MAP4: variants seen among roughly 807,000 people sequenced by gnomAD.
MAP4 encodes microtubule-associated protein 4.
A neutral mutation model predicts 170.2 loss-of-function variants in MAP4; 76 were observed. The ratio of observed to expected loss-of-function variants is 0.45; its 90% CI spans 0.37 to 0.54. The LOEUF is 0.54. MAP4 is among the 20% of genes least tolerant of loss of function. The pLI, the probability that MAP4 is intolerant of heterozygous loss-of-function variation, is 0.00. For missense variants in MAP4, 2,506 were observed against 2,748.0 expected (o/e 0.91, Z 1.97); for synonymous variants, 909 against 994.5 (o/e 0.91, Z 1.62).
intron 1 of MAP4, among the ~76,000 whole-genome samples, chr3:48,004,969 G>T (rs1397343947): frequency 6.6e-6 from 1 of 152,144 alleles, no homozygotes. Context: ...GAAGGTACCT[G>T]CAACACCCAT....
chr3:48,057,014 C>T (rs1384327095), intron 1 of MAP4, among the ~76,000 whole-genome samples: 4 of 136,892 alleles, frequency 2.9e-5, no homozygotes, highest in South Asian at 2.4e-4. Flanking sequence ...CCCGGCCAGC[C>T]GCCCCGTCCG....
At chr3:47,981,736 G>C (rs972437114) in intron 2 of MAP4, among the ~76,000 whole-genome samples, 1 of 150,926 alleles carries the variant, frequency 6.6e-6, no homozygotes, top group African/African-American at 2.4e-5. Flanking sequence ...CTGCACTCCA[G>C]TCTGGGCGAC....
At chr3:47,937,752 C>T (rs922354050) in intron 3 of MAP4, among the ~76,000 whole-genome samples, 10 of 150,258 alleles carry the variant, frequency 6.7e-5, no homozygotes, top group Non-Finnish European at 1.3e-4. Context: ...ACCTCTGCCT[C>T]CCGGGTTCAA....
intron 3 of MAP4, among the ~76,000 whole-genome samples, chr3:47,971,820 A>C (rs1376053379): frequency 1.3e-5 from 2 of 152,192 alleles, no homozygotes; most frequent in African/African-American, 4.8e-5. Flanking sequence ...CTTTGCCTAG[A>C]ACACCCTCTA....
intron 2 of MAP4, among the ~76,000 whole-genome samples, chr3:47,997,513 T>C (rs1018292508): frequency 6.6e-5 from 10 of 151,464 alleles, no homozygotes; most frequent in Non-Finnish European, 1.2e-4. Flanking sequence ...AGAAAAGAAA[T>C]GTCTCAGATC....
Position 47,911,808 on chromosome 3 carries a change from A to G in MAP4, c.2613T>C (p.Ser871=). 1 of 1,536,140 alleles carries G rather than the reference A, an allele frequency of 6.5e-7. No homozygotes were observed. The highest frequency in any genetic ancestry group is 8.7e-7 in the Non-Finnish European group (1 of 1,146,912). The change falls in exon 9 of 21, where the codon TCT becomes TCC. Residue 871 remains serine (S), a synonymous_variant. Coordinates refer to ENST00000683076, the MANE Select transcript of MAP4 (RefSeq NM_001385682.1). The surrounding 1 kb of genome is among the most constrained non-coding windows in gnomAD (Gnocchi z 4.0). The part of the protein sequence containing the change: ...SEEAPKTAIS[S]QSKLRVEEES... ...CTTCCTCTACTCTCAGCTTAGACTG[A>G]GAACTTATTGCAGTTTTGGGGGCTT...
chr3:48,006,543 C>T (rs1161104045), intron 1 of MAP4, among the ~76,000 whole-genome samples: 1 of 152,214 alleles, frequency 6.6e-6, no homozygotes, highest in Non-Finnish European at 1.5e-5. Flanking sequence ...TACTTAGCAG[C>T]TGGCAAAACC....
At chr3:47,853,084 A>T in intron 20 of MAP4, 79 bp downstream of exon 20, 15 of 1,614,128 alleles carry the variant, frequency 9.3e-6, no homozygotes, top group Non-Finnish European at 1.3e-5. Context: ...GCCACACTCT[A>T]GTCAAAAACA....
In MAP4 at chr3:47,867,307, C is replaced by T. The variant is rs755652215; in HGVS notation, c.6440G>A (p.Ser2147Asn). Residue 2147 changes from serine (S) to asparagine (N), a missense_variant, in exon 17 of 21, where the codon AGC becomes AAC. Ser to Asn is a conservative substitution (Grantham distance 46, BLOSUM62 1). Around this residue, in one of 3 missense-constraint regions of MAP4, gnomAD observed 487 missense variants for 511.6 expected, o/e 0.95. Coordinates refer to ENST00000683076, the MANE Select transcript of MAP4 (RefSeq NM_001385682.1). ...VQIVSKKVSYSHIQSKCGSKD... is the reference protein window; with the variant it reads ...VQIVSKKVSYNHIQSKCGSKD... ...GGAACCACACTTGGACTGAATATGG[C>T]TGTAGCTCACTTTTTTGGAGACTAT... is the stretch of plus-strand genomic sequence containing the variant. The T allele has an allele frequency of 9.9e-6, 16 of 1,613,710 alleles. No homozygotes were observed. The highest frequency in any genetic ancestry group is 1.3e-5 in the Non-Finnish European group (15 of 1,179,700).
In MAP4 at chr3:47,952,007, G is replaced by A. The variant is rs377097638; in HGVS notation, c.293-23657C>T. ...GGGAGCGCCTCTGCCCCGCCACCCCGTCTGGGATGTGAGGAGCGCCTCTGC... is the reference window on the plus strand; with the variant it reads ...GGGAGCGCCTCTGCCCCGCCACCCCATCTGGGATGTGAGGAGCGCCTCTGC... On this transcript the variant is annotated intron_variant, in intron 3 of 20. Coordinates refer to ENST00000683076, the MANE Select transcript of MAP4 (RefSeq NM_001385682.1). 4.2e-5 allele frequency among the ~76,000 whole-genome samples: 6 copies of A among 144,280 alleles called. No homozygotes were observed. In the South Asian group the frequency reaches 6.8e-4, roughly 16 times the overall value. 94.7% of individuals were successfully genotyped at this position (144,280 alleles called of 152,430 possible). A position where few individuals can be genotyped will look rare whatever the true frequency, so the allele number is the denominator to read the frequency against.
chr3:47,927,354 G>A (rs1412315663), intron 4 of MAP4, among the ~76,000 whole-genome samples: 1 of 152,132 alleles, frequency 6.6e-6, no homozygotes, highest in African/African-American at 2.4e-5. Flanking sequence ...AACATAACTT[G>A]AGCTCTCAAT....
chr3:47,921,585 C>T (rs930716332), intron 5 of MAP4, among the ~76,000 whole-genome samples, 180 bp downstream of exon 5: 60 of 152,344 alleles, frequency 3.9e-4, no homozygotes, highest in Middle Eastern at 3.4e-3. Context: ...AAAGCCACCT[C>T]TTGCGGAGTT....
intron 3 of MAP4, among the ~76,000 whole-genome samples, chr3:47,971,917 A>C (rs1328916334): frequency 2.6e-5 from 4 of 152,212 alleles, no homozygotes; most frequent in African/African-American, 7.2e-5. Flanking sequence ...GGACAATAAC[A>C]AAATTCAAGA....
intron 1 of MAP4, among the ~76,000 whole-genome samples, chr3:48,025,849 G>A (rs1387292045): frequency 1.3e-5 from 2 of 150,832 alleles, no homozygotes; most frequent in Non-Finnish European, 2.9e-5. Flanking sequence ...GCAGTGAGCC[G>A]AGATCGTACC....
At chr3:47,990,445 T>C (rs950949422) in intron 2 of MAP4, among the ~76,000 whole-genome samples, 1 of 152,182 alleles carries the variant, frequency 6.6e-6, no homozygotes, top group African/African-American at 2.4e-5. Flanking sequence ...ACCTTGTCTT[T>C]ACTAAAAATG....
At chr3:48,049,689 T>G (rs531931239) in intron 1 of MAP4, among the ~76,000 whole-genome samples, 1 of 151,980 alleles carries the variant, frequency 6.6e-6, no homozygotes, top group Non-Finnish European at 1.5e-5. Context: ...TCCCAGCACT[T>G]TGGGAGGCCA....
chr3:48,045,279 T>C (rs1004564984), intron 1 of MAP4, among the ~76,000 whole-genome samples: 2 of 126,380 alleles, frequency 1.6e-5, no homozygotes, highest in Admixed American at 1.6e-4. Flanking sequence ...AAAAAAAAAA[T>C]TTCATTGAAA....
In MAP4 at chr3:47,925,003, G is replaced by A. The variant is rs61413961; in HGVS notation, c.416-3125C>T. Among the ~76,000 whole-genome samples the A allele has an allele frequency of 4.0e-3, 615 of 152,100 alleles. 6 individuals carry two copies. The highest frequency in any genetic ancestry group is 0.014 in the African/African-American group (596 of 41,484). The stretch of plus-strand genomic sequence containing the variant: ...TTTTTTGTATTTTTAGGAGAGACGG[G>A]GTTTCACCATGTTGGCCAGGATGGT... On this transcript the variant is annotated intron_variant, in intron 4 of 20. Coordinates refer to ENST00000683076, the MANE Select transcript of MAP4 (RefSeq NM_001385682.1).
chr3:47,957,107 C>T (rs2100068283), intron 3 of MAP4, among the ~76,000 whole-genome samples: 1 of 152,180 alleles, frequency 6.6e-6, no homozygotes, highest in Non-Finnish European at 1.5e-5. Flanking sequence ...TTGGCAGTTC[C>T]ACCACCCATG....
Sources: gnomAD v4.1 joint callset for allele counts (sites outside exome capture counted in the v4.1 genomes callset) on GRCh38, gnomAD v4.1.1 for gene constraint, gnomAD v4.1.1 regional missense constraint, Gnocchi (gnomAD v3.1) non-coding constraint, MANE v1.5 for transcripts, NCBI Gene and HGNC (gene_info 2026-07-23, HGNC 2026-07-21) for gene names.